Variants in IGSF10 observed in about 807,000 individuals in gnomAD.
IGSF10 encodes calvaria mechanical force protein 608.
Under a neutral mutation model 128.2 loss-of-function variants are expected in IGSF10, and 126 were observed. That is an observed-to-expected ratio of 0.98 (90% confidence interval 0.85 to 1.14). IGSF10 has a LOEUF of 1.14. Among genes scored for constraint, IGSF10 ranks in the 50% most tolerant of loss-of-function variants. The probability of loss-of-function intolerance (pLI) is 0.00; values close to 1 mark genes in which losing one functional copy is unlikely to be tolerated. For synonymous variants in IGSF10, 1,185 were observed against 1,146.2 expected (o/e 1.03, Z -0.68); for missense variants, 3,295 against 3,149.8 (o/e 1.05, Z -1.10).
At chr3:151,457,295 CTG>C in intron 3 of IGSF10, 140 bp from the exon 4 acceptor site, 1 of 800,526 alleles carries the variant, frequency 1.2e-6, no homozygotes, top group South Asian at 1.9e-5. Context: ...GCTTCAAAAA[CTG>C]AAATTCACCA....
the IGSF10 span, among the ~76,000 whole-genome samples, chr3:151,512,332 G>A: frequency 6.6e-6 from 1 of 151,974 alleles, no homozygotes; most frequent in African/African-American, 2.4e-5. Flanking sequence ...TCAACTACAT[G>A]GAAACTGAAC....
chr3:151,511,176 G>C, the IGSF10 span, among the ~76,000 whole-genome samples: 1 of 152,096 alleles, frequency 6.6e-6, no homozygotes, highest in Non-Finnish European at 1.5e-5. Context: ...ATTCACCAAA[G>C]TTGAAATGAA....
the IGSF10 span, among the ~76,000 whole-genome samples, chr3:151,577,549 AT>A: frequency 6.6e-6 from 1 of 152,164 alleles, no homozygotes; most frequent in Non-Finnish European, 1.5e-5. Context: ...CAAATTTCTA[AT>A]GATTAAAGTT....
the IGSF10 span, among the ~76,000 whole-genome samples, chr3:151,589,057 T>C: frequency 6.6e-6 from 1 of 152,190 alleles, no homozygotes; most frequent in East Asian, 1.9e-4. Flanking sequence ...ATTTCTATAG[T>C]TATATAAAAT....
chr3:151,438,565 C>T lies in IGSF10; in HGVS notation c.5996G>A (p.Gly1999Glu), dbSNP rs747787349. 1 of 1,613,568 alleles carries T rather than the reference C, an allele frequency of 6.2e-7. No individual in the cohort carries two copies. Among genetic ancestry groups the T allele is most frequent in the East Asian group, 2.2e-5 (1 of 44,872 alleles). The change falls in exon 8 of 8, where the codon GGA (glycine) becomes GAA (glutamate). Residue 1999 changes from glycine (G) to glutamate (E), a missense_variant. Transcript: ENST00000282466. ...TGTTACTGATCCAATAAACAGGGAT[C>T]CATTAGGGTAGACGTGGATCCAGCT... Reference protein sequence around the residue: ...VGSWIHVYPNGSLFIGSVTEK... With the variant: ...VGSWIHVYPNESLFIGSVTEK...
chr3:151,484,935 A>C, the IGSF10 span, among the ~76,000 whole-genome samples: 22 of 152,072 alleles, frequency 1.4e-4, no homozygotes, highest in African/African-American at 4.3e-4. Context: ...AAGGGAACAA[A>C]ACTGGATGGA....
the IGSF10 span, among the ~76,000 whole-genome samples, chr3:151,540,065 C>T: frequency 6.6e-6 from 1 of 151,988 alleles, no homozygotes; most frequent in African/African-American, 2.4e-5. Flanking sequence ...CTTTCTAAAT[C>T]GATGAACAAA....
In IGSF10 at chr3:151,447,551, G is replaced by T; in HGVS notation, c.2430C>A (p.Ala810=). The T allele has an allele frequency of 6.2e-7, 1 of 1,614,104 alleles. No homozygotes were observed. Reference sequence around the variant, plus strand: ...TTGCTGGAAGGTTCAAAGCTTTAGTGGCCGGGACCATAAATTCCTCATGTA... The same window carrying T: ...TTGCTGGAAGGTTCAAAGCTTTAGTTGCCGGGACCATAAATTCCTCATGTA... ...LALHEEFMVP[A]TKALNLPART... The change falls in exon 6 of 8, where the codon GCC becomes GCA. Residue 810 remains alanine (A), a synonymous_variant. Transcript: ENST00000282466.
intron 5 of IGSF10, among the ~76,000 whole-genome samples, chr3:151,449,885 G>A (rs1050363607): frequency 6.6e-6 from 1 of 152,188 alleles, no homozygotes; most frequent in Non-Finnish European, 1.5e-5. Context: ...TCAATAGGAG[G>A]TGAGGATTGA....
Position 151,447,276 on chromosome 3 carries a change from T to G in IGSF10, c.2705A>C (p.Glu902Ala). Residue 902 changes from glutamate to alanine, a missense_variant, in exon 6 of 8, where the codon GAA becomes GCA. Glu to Ala is a moderately radical substitution (Grantham distance 107, BLOSUM62 -1). Coordinates refer to ENST00000282466, the MANE Select transcript of IGSF10 (RefSeq NM_178822.5). The part of the protein sequence containing the change: ...TVFPLLLGAT[E>A]FQDSDQMGRG... ...TCCCATCTGGTCAGAGTCCTGAAAT[T>G]CAGTTGCTCCAAGTAGCAGTGGAAA... 1.2e-6 allele frequency: 2 copies of G among 1,614,236 alleles called. No homozygotes were observed. Among genetic ancestry groups the G allele is most frequent in the Middle Eastern group, 1.6e-4 (1 of 6,062 alleles).
chr3:151,558,508 C>T, the IGSF10 span, among the ~76,000 whole-genome samples: 15 of 115,022 alleles, frequency 1.3e-4, no homozygotes, highest in African/African-American at 5.3e-4. Flanking sequence ...AGAAGTATGC[C>T]CCATGAATAC....
chr3:151,545,066 A>G, the IGSF10 span, among the ~76,000 whole-genome samples: 1 of 152,102 alleles, frequency 6.6e-6, no homozygotes, highest in East Asian at 1.9e-4. Context: ...ATCCTTCTTA[A>G]TAGCCTTTTG....
chr3:151,441,561 C>G (rs1720847048), intron 7 of IGSF10, among the ~76,000 whole-genome samples: 1 of 152,126 alleles, frequency 6.6e-6, no homozygotes, highest in Non-Finnish European at 1.5e-5. Flanking sequence ...AGCATGAGTA[C>G]AAATTCACAT....
the IGSF10 span, among the ~76,000 whole-genome samples, chr3:151,572,964 T>G: frequency 6.6e-6 from 1 of 152,238 alleles, no homozygotes; most frequent in African/African-American, 2.4e-5. Flanking sequence ...CATCTTTTTT[T>G]CTGTCTTCAT....
At chr3:151,503,775 G>C in the IGSF10 span, among the ~76,000 whole-genome samples, 3 of 152,114 alleles carry the variant, frequency 2.0e-5, no homozygotes, top group South Asian at 6.2e-4. Context: ...TGGGAGACTG[G>C]AGTTTTTTAA....
chr3:151,505,097 T>A, the IGSF10 span, among the ~76,000 whole-genome samples: 3 of 152,182 alleles, frequency 2.0e-5, no homozygotes. Flanking sequence ...AGCACCCCAC[T>A]CTCTGTGGTA....
the IGSF10 span, among the ~76,000 whole-genome samples, chr3:151,523,829 C>G: frequency 6.6e-6 from 1 of 152,060 alleles, no homozygotes; most frequent in African/African-American, 2.4e-5. Flanking sequence ...AATTTAAGAG[C>G]CTCTGAACAG....
the IGSF10 span, among the ~76,000 whole-genome samples, chr3:151,531,387 T>C: frequency 6.6e-6 from 1 of 152,196 alleles, no homozygotes; most frequent in Non-Finnish European, 1.5e-5. Context: ...CATACATTCT[T>C]CTCAGCACCA....
At chr3:151,566,153 G>A in the IGSF10 span, among the ~76,000 whole-genome samples, 1 of 151,988 alleles carries the variant, frequency 6.6e-6, no homozygotes, top group Non-Finnish European at 1.5e-5. Flanking sequence ...AGCAAATTTG[G>A]ATTAGAATGG....
Sources: gnomAD v4.1 joint callset for allele counts (sites outside exome capture counted in the v4.1 genomes callset) on GRCh38, gnomAD v4.1.1 for gene constraint, MANE v1.5 for transcripts, NCBI Gene and HGNC (gene_info 2026-07-23, HGNC 2026-07-21) for gene names.